The following TTC7B variants were observed in gnomAD, a reference collection of about 807,000 sequenced individuals.
TTC7B encodes the protein tetratricopeptide repeat domain 7B.
Under a neutral mutation model 106.8 loss-of-function variants are expected in TTC7B, and 28 were observed. The observed-to-expected ratio is 0.26, with a 90% confidence interval of 0.19 to 0.36. TTC7B has a LOEUF of 0.36. Among genes scored for constraint, TTC7B ranks in the 10% least tolerant of loss-of-function variants. The probability of loss-of-function intolerance (pLI) is 1.00; values close to 1 mark genes in which losing one functional copy is unlikely to be tolerated. For missense variants in TTC7B, 862 were observed against 1,076.4 expected (o/e 0.80, Z 2.79); for synonymous variants, 405 against 430.6 (o/e 0.94, Z 0.74).
rs1885993631 is a variant in TTC7B at position 90,657,366 on chromosome 14, G to A, written c.1237-88C>T. On this transcript the variant is annotated intron_variant, in intron 10 of 19. Coordinates refer to ENST00000328459, the MANE Select transcript of TTC7B (RefSeq NM_001010854.2). The surrounding 1 kb of genome is among the most constrained non-coding windows in gnomAD (Gnocchi z 4.2). ...CTTCTCAGAGGGGTTTTTGGTCAGG[G>A]TGACCTCCTCGTGGGCTTGTCCAAC... The A allele has an allele frequency of 1.5e-6, 2 of 1,311,196 alleles. No individual in the cohort carries two copies. Among genetic ancestry groups the A allele is most frequent in the South Asian group, 1.3e-5 (1 of 75,826 alleles). 81.2% of individuals were successfully genotyped at this position (1,311,196 alleles called of 1,614,324 possible). A position where few individuals can be genotyped will look rare whatever the true frequency, so the allele number is the denominator to read the frequency against.
intron 9 of TTC7B, among the ~76,000 whole-genome samples, chr14:90,668,827 CTTTTTTTTTTTTT>C (rs11291974): frequency 2.3e-5 from 2 of 88,534 alleles, no homozygotes; most frequent in African/African-American, 8.9e-5. Context: ...AAAATTTCAA[CTTTTTTTTTTTTT>C]TTTTTTTTTT....
chr14:90,579,567 G>A (rs1193029888), intron 18 of TTC7B, among the ~76,000 whole-genome samples: 1 of 152,240 alleles, frequency 6.6e-6, no homozygotes, highest in African/African-American at 2.4e-5. Flanking sequence ...GGAGGCCGAG[G>A]CGGGCGGATA....
chr14:90,680,419 A>C, intron 8 of TTC7B, 53 bp downstream of exon 8: 3 of 1,410,640 alleles, frequency 2.1e-6, no homozygotes, highest in Non-Finnish European at 3.0e-6. Flanking sequence ...CTATATCAAA[A>C]AAGGGTCTAC....
intron 15 of TTC7B, among the ~76,000 whole-genome samples, chr14:90,619,527 G>T (rs191716487): frequency 5.3e-5 from 8 of 152,294 alleles, no homozygotes; most frequent in Admixed American, 3.3e-4. Context: ...TCTCTACTCA[G>T]TATGTGCCAT....
At chr14:90,756,390 TTTTTTTG>T (rs1431154968) in intron 3 of TTC7B, among the ~76,000 whole-genome samples, 4 of 149,740 alleles carry the variant, frequency 2.7e-5, no homozygotes, top group Non-Finnish European at 4.5e-5. Flanking sequence ...TTTTGTTTTT[TTTTTTTG>T]TTTTTTTGTT....
intron 3 of TTC7B, among the ~76,000 whole-genome samples, chr14:90,773,917 C>G (rs1452323625): frequency 1.3e-5 from 2 of 152,226 alleles, no homozygotes; most frequent in Non-Finnish European, 2.9e-5. Context: ...ACAGAGCAGT[C>G]ACCTGGCTGC....
chr14:90,539,432 G>T lies in TTC7B; in HGVS notation c.*1936C>A, dbSNP rs1227763534. ...AGCCCTGTGCCTCCAATCAGGGCAA[G>T]CTGCCACCACACTGAGTACCTGCCC... On this transcript the variant is annotated 3_prime_UTR_variant, in exon 20 of 20. Transcript: ENST00000328459. 6.6e-6 allele frequency: 1 copy of T among 152,424 alleles called. No homozygotes were observed. Among genetic ancestry groups the T allele is most frequent in the Non-Finnish European group, 1.5e-5 (1 of 68,194 alleles). 9.4% of individuals were successfully genotyped at this position (152,424 alleles called of 1,614,324 possible).
At chr14:90,737,946 C>T (rs1889609340) in intron 4 of TTC7B, among the ~76,000 whole-genome samples, 2 of 152,064 alleles carry the variant, frequency 1.3e-5, no homozygotes, top group Non-Finnish European at 2.9e-5. Flanking sequence ...GGGAGGCTGG[C>T]CATAAAATGG....
chr14:90,548,134 G>A (rs185376023), intron 19 of TTC7B, among the ~76,000 whole-genome samples: 18 of 152,350 alleles, frequency 1.2e-4, no homozygotes, highest in South Asian at 4.1e-4. Flanking sequence ...CTCCCCTGCC[G>A]GTAGTGCTCT....
intron 5 of TTC7B, among the ~76,000 whole-genome samples, chr14:90,727,995 C>A (rs375007732): frequency 6.6e-6 from 1 of 152,188 alleles, no homozygotes; most frequent in African/African-American, 2.4e-5. Context: ...TCAGGCCCTG[C>A]GTAGCCCACT....
intron 5 of TTC7B, among the ~76,000 whole-genome samples, chr14:90,716,880 A>C (rs978834292): frequency 6.6e-6 from 1 of 152,190 alleles, no homozygotes; most frequent in African/African-American, 2.4e-5. Flanking sequence ...GAGACAGAAG[A>C]CGCAAATTAT....
At chr14:90,675,064 C>CCGGTGGTT (rs202238204) in intron 9 of TTC7B, 19,708 of 152,486 alleles carry the variant, frequency 0.13, 1,534 homozygotes, top group Middle Eastern at 0.19. Flanking sequence ...AGGGTGATGA[C>CCGGTGGTT]CACCCCCTAG....
chr14:90,672,194 G>A (rs905981044), intron 9 of TTC7B, among the ~76,000 whole-genome samples: 6 of 152,198 alleles, frequency 3.9e-5, no homozygotes, highest in African/African-American at 1.4e-4. Context: ...CAAGGACAGG[G>A]TGAGAAGGAG....
chr14:90,816,099 GGCCGCGCCT>G lies in TTC7B; in HGVS notation c.121+67_121+75del, dbSNP rs1421811071. The G allele has an allele frequency of 3.6e-4, 347 of 975,044 alleles. 1 individual carries two copies. In the African/African-American group the frequency reaches 6.1e-3, roughly 17 times the overall value. 60.4% of individuals were successfully genotyped at this position (975,044 alleles called of 1,614,324 possible). A position where few individuals can be genotyped will look rare whatever the true frequency, so the allele number is the denominator to read the frequency against. Reference sequence around the variant, plus strand: ...GCGCCCCTGCCCGCGCCCCGCGCCCGGCCGCGCCTCGGGGGCCCGTTCCCGCGGAGGCCG... The same window carrying G: ...GCGCCCCTGCCCGCGCCCCGCGCCCGCGGGGGCCCGTTCCCGCGGAGGCCG... On this transcript the variant is annotated intron_variant, in intron 1 of 19. Transcript: ENST00000328459.
At chr14:90,812,576 C>T (rs1205776604) in intron 1 of TTC7B, among the ~76,000 whole-genome samples, 1 of 152,086 alleles carries the variant, frequency 6.6e-6, no homozygotes, top group East Asian at 1.9e-4. Context: ...CCACTCATCC[C>T]CAGGCCACAC....
intron 15 of TTC7B, among the ~76,000 whole-genome samples, chr14:90,634,664 C>T (rs35403298): frequency 0.2 from 31,064 of 151,870 alleles, 4,022 homozygotes; most frequent in Admixed American, 0.28. Flanking sequence ...CCCACCTACT[C>T]GGGCGGTCGA....
At chr14:90,797,110 G>A (rs932541784) in intron 1 of TTC7B, among the ~76,000 whole-genome samples, 1 of 149,018 alleles carries the variant, frequency 6.7e-6, no homozygotes, top group Non-Finnish European at 1.5e-5. Context: ...CTCCCAAAGT[G>A]CTGGGATTAC....
chr14:90,784,574 T>C (rs2140039373), intron 2 of TTC7B, among the ~76,000 whole-genome samples: 1 of 149,732 alleles, frequency 6.7e-6, no homozygotes, highest in Non-Finnish European at 1.5e-5. Flanking sequence ...AAAAAACATA[T>C]GAGATGGATG....
At chr14:90,730,410 C>T (rs1484710287) in intron 4 of TTC7B, among the ~76,000 whole-genome samples, 1 of 152,156 alleles carries the variant, frequency 6.6e-6, no homozygotes, top group Non-Finnish European at 1.5e-5. Context: ...GCACACAGGG[C>T]CCTCCTGGTA....
Sources: gnomAD v4.1 joint callset for allele counts (sites outside exome capture counted in the v4.1 genomes callset) on GRCh38, gnomAD v4.1.1 for gene constraint, Gnocchi (gnomAD v3.1) non-coding constraint, MANE v1.5 for transcripts, NCBI Gene and HGNC (gene_info 2026-07-23, HGNC 2026-07-21) for gene names.